GOLGA2: variants seen among roughly 807,000 people sequenced by gnomAD.
The protein encoded by GOLGA2 is golgin A2.
A neutral mutation model predicts 148.8 loss-of-function variants in GOLGA2; 49 were observed. The observed-to-expected ratio is 0.33, with a 90% confidence interval of 0.26 to 0.42. The LOEUF (loss-of-function observed/expected upper bound fraction) is 0.42, where lower values mean the gene tolerates loss of function less well. Among genes scored for constraint, GOLGA2 ranks in the 10% least tolerant of loss-of-function variants. The probability of loss-of-function intolerance (pLI) is 1.00; values close to 1 mark genes in which losing one functional copy is unlikely to be tolerated. For synonymous variants in GOLGA2, 501 were observed against 511.8 expected (o/e 0.98, Z 0.28); for missense variants, 1,178 against 1,304.6 (o/e 0.90, Z 1.49).
rs1346580498 is a variant in GOLGA2 at position 128,273,980 on chromosome 9, AAAG to A, written c.85-11_85-9del. ...CTGCTGATATTCTCTCAACTGTGGA[AAAG>A]AAGAGCAATAATATTCATGAGATCT... On this transcript the variant is annotated splice_polypyrimidine_tract_variant and intron_variant, in intron 1 of 26. Coordinates refer to ENST00000611957, the MANE Select transcript of GOLGA2 (RefSeq NM_001366244.2). The A allele has an allele frequency of 1.9e-6, 3 of 1,609,968 alleles. No individual in the cohort carries two copies. In the African/African-American group the frequency reaches 4.0e-5, roughly 22 times the overall value.
At position 128,257,660 on chromosome 9, in the gene GOLGA2, G is replaced by T. The variant is rs1007495705; in HGVS notation, c.2659C>A (p.Arg887=). The T allele has an allele frequency of 6.2e-7, 1 of 1,614,016 alleles. No homozygotes were observed. The highest frequency in any genetic ancestry group is 8.5e-7 in the Non-Finnish European group (1 of 1,180,000). Reference sequence around the variant, plus strand: ...ATGTACTCCTCCTTCTCCCGGTGCCGCTCCTTCAGCACTGCCCTCTGGCTC... The same window carrying T: ...ATGTACTCCTCCTTCTCCCGGTGCCTCTCCTTCAGCACTGCCCTCTGGCTC... ...YQSQRAVLKE[R]HREKEEYISR... The change falls in exon 25 of 27, where the codon CGG becomes AGG. Residue 887 remains arginine, a synonymous_variant. Transcript: ENST00000611957. This position sits in a 1 kb window ranked among gnomAD's most constrained non-coding sequence, Gnocchi z 8.0.
At chr9:128,268,814 C>T (rs1479836168) in intron 3 of GOLGA2, among the ~76,000 whole-genome samples, 1 of 152,196 alleles carries the variant, frequency 6.6e-6, no homozygotes, top group East Asian at 1.9e-4. Flanking sequence ...TGACCTGTGG[C>T]AGCCACAGCA....
chr9:128,258,081 G>A lies in GOLGA2; in HGVS notation c.2407C>T (p.Gln803Ter), dbSNP rs1372642884. The A allele has an allele frequency of 6.2e-7, 1 of 1,610,864 alleles. No individual in the cohort carries two copies. The highest frequency in any genetic ancestry group is 8.5e-7 in the Non-Finnish European group (1 of 1,179,796). The stretch of plus-strand genomic sequence containing the variant: ...GGGGCTGCTGCCTCAGGCTCCTTCT[G>A]GGCCGAGGCCAGCAGGTGAGCCAGG... Reference protein sequence around the residue: ...RRLAHLLASAQKEPEAAAPAP... With the variant: ...RRLAHLLASA Residue 803 changes from glutamine (Q) to a stop codon, truncating the protein, a stop_gained, in exon 23 of 27, where the codon CAG becomes TAG. Transcript: ENST00000611957. LOFTEE classifies it high-confidence loss of function. This position sits in a 1 kb window ranked among gnomAD's most constrained non-coding sequence, Gnocchi z 6.6.
At chr9:128,265,946 C>T (rs376418841) in intron 10 of GOLGA2, 24 bp downstream of exon 10, 34 of 1,608,966 alleles carry the variant, frequency 2.1e-5, no homozygotes, top group African/African-American at 1.2e-4. Context: ...GAGGACAGGA[C>T]GGAACTTCAC....
At position 128,260,134 on chromosome 9, in the gene GOLGA2, C is replaced by T; in HGVS notation, c.1814G>A (p.Arg605Lys). 6.2e-7 allele frequency: 1 copy of T among 1,611,226 alleles called. No homozygotes were observed. ...CTCGCCCAGCTTCTTTCCCAGCTCCCTCTTGACGTGCTGCTCCGACTGCAG... is the reference window on the plus strand; with the variant it reads ...CTCGCCCAGCTTCTTTCCCAGCTCCTTCTTGACGTGCTGCTCCGACTGCAG... ...SALQSEQHVK[R>K]ELGKKLGELQ... Residue 605 changes from arginine (R) to lysine (K), a missense_variant, in exon 19 of 27, where the codon AGG (arginine) becomes AAG (lysine). By Grantham distance (26) the Arg-to-Lys change is conservative. Transcript: ENST00000611957. The surrounding 1 kb of genome is among the most constrained non-coding windows in gnomAD (Gnocchi z 4.8).
rs532336856 is a variant in GOLGA2, at chr9:128,258,759, C to T, written c.2174-189G>A. 53 of 616,102 alleles carry T rather than the reference C, an allele frequency of 8.6e-5. 3 individuals are homozygous for T. In the South Asian group the frequency reaches 1.0e-3, roughly 12 times the overall value. The allele number at this position is 616,102 out of a possible 1,614,324, so 38.2% of individuals were successfully genotyped here. ...GCTATGCTGCCCAGGTGCAGTCCCA[C>T]TACCGATCAGCATGGGAGTTCTGAC... On this transcript the variant is annotated intron_variant, in intron 21 of 26. Transcript: ENST00000611957. The surrounding 1 kb of genome is among the most constrained non-coding windows in gnomAD (Gnocchi z 6.6).
chr9:128,273,592 G>A (rs1831093691), intron 2 of GOLGA2: 1 of 543,520 alleles, frequency 1.8e-6, no homozygotes, highest in Admixed American at 3.4e-5. Context: ...CCTGTACTAG[G>A]GATTAACATA....
chr9:128,274,148 A>G (rs998591508), intron 1 of GOLGA2, among the ~76,000 whole-genome samples, 176 bp from the exon 2 acceptor site: 3 of 152,200 alleles, frequency 2.0e-5, no homozygotes, highest in Non-Finnish European at 4.4e-5. Flanking sequence ...CATGGCTTAA[A>G]AAAGGCAAGA....
At chr9:128,273,181 T>C (rs1831064907) in intron 2 of GOLGA2, among the ~76,000 whole-genome samples, 1 of 152,192 alleles carries the variant, frequency 6.6e-6, no homozygotes, top group East Asian at 1.9e-4. Flanking sequence ...ATGAATCTAG[T>C]AGAACTACAA....
chr9:128,263,132 G>A (rs761348706), intron 12 of GOLGA2, 40 bp from the exon 13 acceptor site: 10 of 1,392,334 alleles, frequency 7.2e-6, no homozygotes, highest in Non-Finnish European at 9.2e-6. Flanking sequence ...ATAGCAGGCA[G>A]AGGAGCAGCT....
chr9:128,257,964 G>T lies in GOLGA2; in HGVS notation c.2508+16C>A. ...CCCCCACCCTTCTTGACCCATGCCA[G>T]GAGAGACTCATTCACCTGCAGCTTC... On this transcript the variant is annotated intron_variant, in intron 23 of 26. Coordinates refer to ENST00000611957, the MANE Select transcript of GOLGA2 (RefSeq NM_001366244.2). This position sits in a 1 kb window ranked among gnomAD's most constrained non-coding sequence, Gnocchi z 8.0. 6.5e-7 allele frequency: 1 copy of T among 1,546,576 alleles called. No homozygotes were observed. The highest frequency in any genetic ancestry group is 8.9e-7 in the Non-Finnish European group (1 of 1,120,726).
rs765291076 is a variant in GOLGA2 at position 128,275,966 on chromosome 9, T to TG, written c.10dup (p.Gln4ProfsTer34). ...CGCGGGGCGGGGAGGGAGGCGGGGT[T>TG]GGGGCCACATCAGCGCGATCCCGGC... On this transcript the variant is annotated frameshift_variant, in exon 1 of 27. Coordinates refer to ENST00000611957, the MANE Select transcript of GOLGA2 (RefSeq NM_001366244.2). LOFTEE classifies it high-confidence loss of function. 3.1e-6 allele frequency: 5 copies of TG among 1,594,700 alleles called. No homozygotes were observed. The highest frequency in any genetic ancestry group is 2.3e-5 in the East Asian group (1 of 44,216).
At chr9:128,264,417 A>C (rs1232696631) in intron 12 of GOLGA2, among the ~76,000 whole-genome samples, 7 of 101,714 alleles carry the variant, frequency 6.9e-5, no homozygotes, top group Non-Finnish European at 1.1e-4. Flanking sequence ...GTTATTATTT[A>C]TTTATTTATT....
chr9:128,270,419 ACTG>A (rs950228261), intron 3 of GOLGA2, among the ~76,000 whole-genome samples: 3 of 152,132 alleles, frequency 2.0e-5, no homozygotes, highest in African/African-American at 7.2e-5. Context: ...GGCATGAGCT[ACTG>A]CACTTGGCTG....
chr9:128,265,749 G>C (rs1564366299), intron 11 of GOLGA2, 39 bp downstream of exon 11: 3 of 1,609,794 alleles, frequency 1.9e-6, no homozygotes, highest in Middle Eastern at 3.3e-4. Context: ...GCCTGTCAAA[G>C]TGCCAGGTTG....
At chr9:128,268,823 C>G (rs1048166686) in intron 3 of GOLGA2, among the ~76,000 whole-genome samples, 1 of 152,188 alleles carries the variant, frequency 6.6e-6, no homozygotes, top group Non-Finnish European at 1.5e-5. Flanking sequence ...GCAGCCACAG[C>G]AGGCAGGAGG....
At chr9:128,268,654 C>T in intron 3 of GOLGA2, 130 bp from the exon 4 acceptor site, 1 of 633,920 alleles carries the variant, frequency 1.6e-6, no homozygotes, top group East Asian at 2.8e-5. Context: ...ATGCTAGGAG[C>T]CACTCAGGGG....
chr9:128,262,848 G>A, intron 13 of GOLGA2, 144 bp from the exon 14 acceptor site: 1 of 860,104 alleles, frequency 1.2e-6, no homozygotes, highest in African/African-American at 1.6e-5. Context: ...GTACAGGCCA[G>A]AGAAAAGATA....
intron 14 of GOLGA2, chr9:128,262,103 A>G: frequency 3.7e-6 from 1 of 268,836 alleles, no homozygotes; most frequent in South Asian, 5.3e-5. Flanking sequence ...TGAGAAGCTG[A>G]GGCAGGAGGA....
Sources: allele counts gnomAD v4.1 joint callset (sites outside exome capture counted in the v4.1 genomes callset), GRCh38; gene constraint gnomAD v4.1.1; non-coding constraint Gnocchi (gnomAD v3.1); transcripts MANE v1.5; gene names NCBI Gene and HGNC (gene_info 2026-07-23, HGNC 2026-07-21).